Variants in DNAJC1 observed in about 807,000 individuals in gnomAD.
DNAJC1 encodes DnaJ heat shock protein family (Hsp40) member C1.
DNAJC1 carries 58 observed loss-of-function variants against 76.6 expected under a neutral mutation model. The observed-to-expected ratio is 0.76, with a 90% CI of 0.61 to 0.94. The LOEUF is 0.94. DNAJC1 is among the 40% of genes least tolerant of loss of function. The pLI is 0.00. For missense variants in DNAJC1, 689 were observed against 677.3 expected (o/e 1.02, Z -0.19); for synonymous variants, 258 against 267.9 (o/e 0.96, Z 0.36).
chr10:21,763,565 GTTTTTTTTT>G (rs34169717), intron 10 of DNAJC1, among the ~76,000 whole-genome samples: 1 of 127,370 alleles, frequency 7.9e-6, no homozygotes, highest in Non-Finnish European at 1.6e-5. Context: ...TGTGCAGGTT[GTTTTTTTTT>G]TTTTTTTTTA....
At chr10:21,939,273 C>T (rs1212980067) in intron 1 of DNAJC1, among the ~76,000 whole-genome samples, 4 of 152,190 alleles carry the variant, frequency 2.6e-5, no homozygotes, top group Admixed American at 2.0e-4. Flanking sequence ...GATAATCTAC[C>T]TGGCTATCAG....
At chr10:21,947,407 G>A (rs1474454548) in intron 1 of DNAJC1, among the ~76,000 whole-genome samples, 1 of 152,016 alleles carries the variant, frequency 6.6e-6, no homozygotes, top group Admixed American at 6.6e-5. Flanking sequence ...CATCCTTGAG[G>A]CAGCAAGACT....
intron 1 of DNAJC1, among the ~76,000 whole-genome samples, chr10:21,943,141 G>T (rs112817012): frequency 0.013 from 1,949 of 152,022 alleles, 40 homozygotes; most frequent in African/African-American, 0.044. Flanking sequence ...ATTCTACACA[G>T]AGGAAAATGC....
intron 8 of DNAJC1, among the ~76,000 whole-genome samples, chr10:21,855,838 A>C (rs1590017379): frequency 7.4e-6 from 1 of 134,266 alleles, no homozygotes. Context: ...AGACATAGGG[A>C]AGATGTTCAT....
intron 9 of DNAJC1, among the ~76,000 whole-genome samples, chr10:21,782,868 T>C (rs1459573220): frequency 6.6e-6 from 1 of 152,174 alleles, no homozygotes; most frequent in East Asian, 1.9e-4. Flanking sequence ...TGCTAAAAAC[T>C]CTCAATAAAT....
intron 8 of DNAJC1, among the ~76,000 whole-genome samples, chr10:21,867,621 CAGG>C (rs1322736317): frequency 6.6e-6 from 1 of 152,088 alleles, no homozygotes; most frequent in African/African-American, 2.4e-5. Flanking sequence ...CCTGAAAACC[CAGG>C]AGTAGATCAA....
chr10:22,000,906 T>C (rs780165374), intron 1 of DNAJC1, among the ~76,000 whole-genome samples: 12 of 152,208 alleles, frequency 7.9e-5, no homozygotes, highest in Non-Finnish European at 1.3e-4. Flanking sequence ...AGTTCTCCTG[T>C]TGAAAAGCTG....
At chr10:21,896,182 C>T (rs1027483325) in intron 7 of DNAJC1, among the ~76,000 whole-genome samples, 22 of 152,154 alleles carry the variant, frequency 1.4e-4, no homozygotes, top group Non-Finnish European at 2.6e-4. Flanking sequence ...ACCACTAAGA[C>T]CTCAGAACTG....
intron 8 of DNAJC1, among the ~76,000 whole-genome samples, chr10:21,848,153 A>C (rs1341718592): frequency 6.6e-6 from 1 of 152,182 alleles, no homozygotes; most frequent in South Asian, 2.1e-4. Context: ...AGTCACTTTA[A>C]CTGGGGTCAG....
At chr10:21,919,740 A>G (rs1837010560) in intron 5 of DNAJC1, 92 bp downstream of exon 5, 1 of 798,860 alleles carries the variant, frequency 1.3e-6, no homozygotes, top group African/African-American at 1.7e-5. Context: ...AAATGAGAGC[A>G]CATGTAAATA....
intron 8 of DNAJC1, among the ~76,000 whole-genome samples, chr10:21,852,234 T>C (rs910241710): frequency 6.6e-6 from 1 of 151,840 alleles, no homozygotes; most frequent in Non-Finnish European, 1.5e-5. Flanking sequence ...GGTCACATAC[T>C]GTATGAGTTC....
intron 1 of DNAJC1, among the ~76,000 whole-genome samples, chr10:21,962,135 T>C (rs898889003): frequency 3.3e-5 from 5 of 152,158 alleles, no homozygotes; most frequent in African/African-American, 1.2e-4. Flanking sequence ...CTCCATAGAA[T>C]TGTAACTAGT....
intron 10 of DNAJC1, among the ~76,000 whole-genome samples, chr10:21,760,577 T>C (rs1200224898): frequency 6.6e-6 from 1 of 152,258 alleles, no homozygotes; most frequent in Admixed American, 6.5e-5. Context: ...GAGCAGAAAC[T>C]GGCCCAGCCC....
At chr10:21,901,524 G>A (rs964066980) in intron 7 of DNAJC1, among the ~76,000 whole-genome samples, 2 of 152,012 alleles carry the variant, frequency 1.3e-5, no homozygotes, top group Admixed American at 6.6e-5. Flanking sequence ...AATAAAAAGT[G>A]CCCCAAATTT....
chr10:21,790,055 A>C (rs955760263), intron 9 of DNAJC1, among the ~76,000 whole-genome samples: 53 of 147,942 alleles, frequency 3.6e-4, no homozygotes, highest in African/African-American at 1.3e-3. Context: ...CTTAAGTAGC[A>C]GACTTGATCT....
intron 8 of DNAJC1, among the ~76,000 whole-genome samples, chr10:21,843,723 T>C (rs1835609459): frequency 6.6e-6 from 1 of 151,788 alleles, no homozygotes; most frequent in Admixed American, 6.6e-5. Flanking sequence ...ACCTCAAAAT[T>C]CAGAAATGAT....
intron 8 of DNAJC1, among the ~76,000 whole-genome samples, chr10:21,847,325 T>C (rs887133746): frequency 6.6e-6 from 1 of 152,190 alleles, no homozygotes; most frequent in East Asian, 1.9e-4. Context: ...AATTGATATA[T>C]AATAATTGGA....
chr10:21,961,980 C>G (rs994570176), intron 1 of DNAJC1, among the ~76,000 whole-genome samples: 7 of 152,076 alleles, frequency 4.6e-5, no homozygotes, highest in Non-Finnish European at 8.8e-5. Context: ...AATGGTCCTC[C>G]CCCTTATCTT....
chr10:21,897,408 A>T (rs1179879626), intron 7 of DNAJC1, among the ~76,000 whole-genome samples: 3 of 152,172 alleles, frequency 2.0e-5, no homozygotes, highest in Admixed American at 6.6e-5. Flanking sequence ...TCATGATTTT[A>T]AAAAATGCTC....
Sources: allele counts gnomAD v4.1 joint callset (sites outside exome capture counted in the v4.1 genomes callset), GRCh38; gene constraint gnomAD v4.1.1; transcripts MANE v1.5; gene names NCBI Gene and HGNC (gene_info 2026-07-23, HGNC 2026-07-21).